The following THAP6 variants were observed in gnomAD, a reference collection of about 807,000 sequenced individuals.
The protein encoded by THAP6 is THAP domain containing 6.
In THAP6, 13 loss-of-function variants were observed where a neutral mutation model predicts 20.0. The observed-to-expected ratio is 0.65, with a 90% CI of 0.42 to 1.03. The LOEUF (loss-of-function observed/expected upper bound fraction) is 1.03. Among genes scored for constraint, THAP6 ranks in the 50% least tolerant of loss-of-function variants. THAP6 has a pLI of 0.00. For synonymous variants in THAP6, 93 were observed against 92.2 expected, an observed-to-expected ratio of 1.01 and a Z score of -0.05; for missense variants, 262 against 261.6, an observed-to-expected ratio of 1.00 and a Z score of -0.01.
At chr4:75,537,658 G>A (rs193145923) in intron 2 of THAP6, among the ~76,000 whole-genome samples, 2 of 152,258 alleles carry the variant, frequency 1.3e-5, no homozygotes, top group East Asian at 1.9e-4. Context: ...ATAGGATCAC[G>A]TTTCTTACAT....
At chr4:75,536,552 G>T (rs1256560210) in intron 2 of THAP6, among the ~76,000 whole-genome samples, 1 of 152,022 alleles carries the variant, frequency 6.6e-6, no homozygotes, top group Non-Finnish European at 1.5e-5. Flanking sequence ...ATTGAAACAG[G>T]GTCTCACTCT....
downstream of THAP6, among the ~76,000 whole-genome samples, chr4:75,531,018 A>G (rs1411391761): frequency 6.6e-6 from 1 of 152,208 alleles, no homozygotes; most frequent in African/African-American, 2.4e-5. Context: ...CACAAAAATG[A>G]GTTAACATAG....
intron 2 of THAP6, among the ~76,000 whole-genome samples, chr4:75,541,447 C>T (rs973763215): frequency 4.0e-5 from 6 of 150,390 alleles, no homozygotes; most frequent in East Asian, 1.9e-4. Context: ...TAAGTGTGTA[C>T]GTGTGTGTGT....
intron 3 of THAP6, among the ~76,000 whole-genome samples, chr4:75,546,487 T>C (rs1727130001): frequency 6.6e-6 from 1 of 152,220 alleles, no homozygotes. Flanking sequence ...TTCTCAAATC[T>C]TTTCCTATGT....
At position 75,521,745 on chromosome 4, in the gene THAP6, G is replaced by A. The variant is rs1171854016; in HGVS notation, c.298G>A (p.Glu100Lys). The change falls in exon 4 of 5, where the codon GAA (glutamate) becomes AAA (lysine). Residue 100 changes from glutamate (E) to lysine (K), a missense_variant. Coordinates refer to ENST00000311638, the MANE Select transcript of THAP6 (RefSeq NM_144721.6). ...DSPYHLQGKR[E>K]KLHCRKNFTL... ...TAACTACTCTTAACAGGGGAAAAGA[G>A]AAAAACTTCATTGTAGAAAAAACTT... 1.2e-6 allele frequency: 2 copies of A among 1,610,460 alleles called. No homozygotes were observed. Among genetic ancestry groups the A allele is most frequent in the South Asian group, 2.2e-5 (2 of 90,450 alleles).
At chr4:75,516,526 TTTC>T (rs929868195) in intron 2 of THAP6, among the ~76,000 whole-genome samples, 3 of 152,216 alleles carry the variant, frequency 2.0e-5, no homozygotes, top group Non-Finnish European at 2.9e-5. Context: ...CATTGAAACT[TTTC>T]TTCCTTATAA....
rs75229778 is a variant in THAP6, at chr4:75,544,071, T to C, written c.243+1585T>C. ...TTTCTCAGAATAAACCAAACATTTA[T>C]ATAGGGTGATTTTTTGAACACTTTT... On this transcript the variant is annotated intron_variant, in intron 3 of 4. Coordinates refer to the THAP6 transcript ENST00000502620. Among the ~76,000 whole-genome samples the C allele has an allele frequency of 2.8e-4, 42 of 152,288 alleles. No homozygotes were observed. The East Asian group carries it at 7.5e-3, about 27-fold the overall frequency.
intron 3 of THAP6, among the ~76,000 whole-genome samples, chr4:75,545,564 T>C (rs866663438): frequency 2.6e-5 from 4 of 152,192 alleles, no homozygotes; most frequent in South Asian, 2.1e-4. Context: ...CACCTGTCCC[T>C]TTGTGGTGCT....
chr4:75,525,284 A>T (rs1403552193), intron 4 of THAP6, among the ~76,000 whole-genome samples: 1 of 152,124 alleles, frequency 6.6e-6, no homozygotes, highest in East Asian at 1.9e-4. Flanking sequence ...AGGCTGTCTG[A>T]AATTGTGCAA....
At chr4:75,534,721 AAAC>A (rs1215140567), downstream of THAP6, among the ~76,000 whole-genome samples, 1 of 152,226 alleles carries the variant, frequency 6.6e-6, no homozygotes, top group Non-Finnish European at 1.5e-5. Context: ...TACAAGAAAA[AAAC>A]AACCCCATCA....
At chr4:75,523,499 G>GTA (rs1726165421) in intron 4 of THAP6, among the ~76,000 whole-genome samples, 5 of 151,982 alleles carry the variant, frequency 3.3e-5, no homozygotes, top group African/African-American at 7.3e-5. Context: ...TGTGCTTGTG[G>GTA]GATATTACTC....
chr4:75,534,510 TTCA>T (rs1726794367), downstream of THAP6, among the ~76,000 whole-genome samples: 1 of 152,200 alleles, frequency 6.6e-6, no homozygotes, highest in African/African-American at 2.4e-5. Context: ...GGGCAAGGAC[TTCA>T]TGTCTAAATC....
Position 75,529,759 on chromosome 4 carries a change from AT to A in THAP6, c.*2547del. ...GAGTGGCCTCTAGAGCCAGGAACAC[AT>A]TAATACAACAGTTCAACCTCAGCAC... On this transcript the variant is annotated 3_prime_UTR_variant, in exon 5 of 5. Coordinates refer to ENST00000311638, the MANE Select transcript of THAP6 (RefSeq NM_144721.6). 1.0e-6 allele frequency: 1 copy of A among 985,442 alleles called. No individual in the cohort carries two copies. The highest frequency in any genetic ancestry group is 1.2e-6 in the Non-Finnish European group (1 of 829,944). 61.0% of individuals were successfully genotyped at this position (985,442 alleles called of 1,614,324 possible).
chr4:75,537,701 A>G (rs1726902138), intron 2 of THAP6, among the ~76,000 whole-genome samples: 1 of 152,214 alleles, frequency 6.6e-6, no homozygotes, highest in African/African-American at 2.4e-5. Context: ...TGATTAAATT[A>G]AGGATCTAAA....
At chr4:75,523,226 G>C (rs1726144014) in intron 4 of THAP6, among the ~76,000 whole-genome samples, 1 of 152,120 alleles carries the variant, frequency 6.6e-6, no homozygotes, top group African/African-American at 2.4e-5. Context: ...TCATATGCCT[G>C]TTTGCCATTC....
At chr4:75,534,610 T>G (rs1056610854), downstream of THAP6, among the ~76,000 whole-genome samples, 14 of 152,034 alleles carry the variant, frequency 9.2e-5, no homozygotes, top group Non-Finnish European at 1.8e-4. Context: ...GAAACTACCA[T>G]CAGAGTGAAC....
intron 3 of THAP6, 35 bp from the exon 4 acceptor site, chr4:75,521,701 C>G: frequency 6.6e-7 from 1 of 1,519,128 alleles, no homozygotes; most frequent in Non-Finnish European, 8.8e-7. Context: ...ACAAAAGTAT[C>G]TCACTTGATG....
intron 4 of THAP6, among the ~76,000 whole-genome samples, chr4:75,524,158 A>G (rs949635741): frequency 6.6e-5 from 10 of 152,170 alleles, no homozygotes; most frequent in African/African-American, 1.2e-4. Flanking sequence ...TCTTTAACTT[A>G]TCACAGGCTA....
In THAP6 at chr4:75,528,809, G is replaced by A. The variant is rs1726541178; in HGVS notation, c.*1595G>A. On this transcript the variant is annotated 3_prime_UTR_variant, in exon 5 of 5. Coordinates refer to ENST00000311638, the MANE Select transcript of THAP6 (RefSeq NM_144721.6). The stretch of plus-strand genomic sequence containing the variant: ...CATACCTGTAATCCTAGCACTTTGG[G>A]AGGCCAAGGCAGGCAGATCACTTGA... The A allele has an allele frequency of 1.0e-6, 1 of 976,738 alleles. No individual in the cohort carries two copies. Among genetic ancestry groups the A allele is most frequent in the South Asian group, 4.7e-5 (1 of 21,128 alleles). 60.5% of individuals were successfully genotyped at this position (976,738 alleles called of 1,614,324 possible).
Sources: allele counts gnomAD v4.1 joint callset (sites outside exome capture counted in the v4.1 genomes callset), GRCh38; gene constraint gnomAD v4.1.1; transcripts MANE v1.5; gene names NCBI Gene and HGNC (gene_info 2026-07-23, HGNC 2026-07-21).